The following SEPTIN9 variants were observed in gnomAD, a reference collection of about 807,000 sequenced individuals.
SEPTIN9 encodes the protein septin 9, also known as septin-9.
In SEPTIN9, 13 loss-of-function variants were observed where a neutral mutation model predicts 56.6. That is an observed-to-expected ratio of 0.23 (90% CI 0.15 to 0.37). SEPTIN9 has a LOEUF of 0.37. Among genes scored for constraint, SEPTIN9 ranks in the 10% least tolerant of loss-of-function variants. SEPTIN9 has a pLI of 1.00. For synonymous variants in SEPTIN9, 332 were observed against 334.1 expected (o/e 0.99, Z 0.07); for missense variants, 650 against 823.1 (o/e 0.79, Z 2.57).
intron 3 of SEPTIN9, among the ~76,000 whole-genome samples, chr17:77,477,504 G>A (rs1201797716): frequency 2.0e-5 from 3 of 152,240 alleles, no homozygotes; most frequent in African/African-American, 7.2e-5. Flanking sequence ...CCGCTGTGTT[G>A]ACTCAGCACG....
intron 4 of SEPTIN9, among the ~76,000 whole-genome samples, chr17:77,485,835 G>T (rs1568113547): frequency 6.6e-6 from 1 of 151,938 alleles, no homozygotes; most frequent in Non-Finnish European, 1.5e-5. Flanking sequence ...GTAATTTAGG[G>T]TGTTTTTTGT....
chr17:77,454,379 C>T (rs531975995), intron 3 of SEPTIN9: 10 of 985,516 alleles, frequency 1.0e-5, no homozygotes, highest in African/African-American at 7.0e-5. Context: ...GACCTGTTCC[C>T]GGAGCTCAGC....
chr17:77,285,618 C>T (rs906058340), intron 1 of SEPTIN9, among the ~76,000 whole-genome samples: 5 of 151,998 alleles, frequency 3.3e-5, no homozygotes, highest in African/African-American at 4.8e-5. Context: ...AGGCTGGTCT[C>T]GAACTCCGGA....
At chr17:77,284,434 C>T (rs923351197) in intron 1 of SEPTIN9, among the ~76,000 whole-genome samples, 9 of 152,210 alleles carry the variant, frequency 5.9e-5, no homozygotes, top group African/African-American at 9.6e-5. Context: ...TTGCCTCACC[C>T]GGCCTTCCAA....
chr17:77,284,915 A>G (rs2031208431), intron 1 of SEPTIN9, among the ~76,000 whole-genome samples: 1 of 152,186 alleles, frequency 6.6e-6, no homozygotes, highest in Non-Finnish European at 1.5e-5. Flanking sequence ...GGCATGAGCC[A>G]CCACGCCCAG....
At chr17:77,466,294 C>G (rs2038722507) in intron 3 of SEPTIN9, 1 of 665,116 alleles carries the variant, frequency 1.5e-6, no homozygotes, top group Non-Finnish European at 1.9e-6. Flanking sequence ...CTTGGAGGGC[C>G]CAGTGGGCGC....
In SEPTIN9 at chr17:77,350,962, G is replaced by A. The variant is rs563813075; in HGVS notation, c.76+43765G>A. Among the ~76,000 whole-genome samples, 4 of 151,618 alleles carry A rather than the reference G, an allele frequency of 2.6e-5. No homozygotes were observed. The East Asian group carries it at 7.7e-4, about 29-fold the overall frequency. ...GGGGTGTGTGTGCCTGTGTGTGCCT[G>A]TGTGCTGTGTGCCCCCATGTGTGTG... On this transcript the variant is annotated intron_variant, in intron 2 of 11. Transcript: ENST00000427177.
At chr17:77,288,216 T>G in intron 1 of SEPTIN9, 5 of 1,048,614 alleles carry the variant, frequency 4.8e-6, no homozygotes, top group Non-Finnish European at 5.8e-6. Flanking sequence ...TCCAGGTGGG[T>G]GCATTGCTCT....
intron 10 of SEPTIN9, among the ~76,000 whole-genome samples, chr17:77,496,004 A>ATTTTC (rs552277120): frequency 9.4e-5 from 14 of 148,166 alleles, no homozygotes; most frequent in Admixed American, 1.3e-4. Context: ...TCTATGCCTC[A>ATTTTC]TTTTCTTTTC....
chr17:77,290,204 T>C (rs8074309), intron 1 of SEPTIN9, among the ~76,000 whole-genome samples: 141,454 of 151,866 alleles, frequency 0.93, 66,105 homozygotes, highest in Admixed American at 0.96. Flanking sequence ...GCTTTGGGCC[T>C]GGGGCTAGGT....
intron 2 of SEPTIN9, among the ~76,000 whole-genome samples, chr17:77,383,939 A>G (rs1161054651): frequency 1.3e-5 from 2 of 152,212 alleles, no homozygotes; most frequent in African/African-American, 4.8e-5. Context: ...TATGGTAAGC[A>G]CTCATACACA....
chr17:77,427,665 G>C (rs879297667), intron 3 of SEPTIN9, among the ~76,000 whole-genome samples: 1 of 152,150 alleles, frequency 6.6e-6, no homozygotes, highest in Non-Finnish European at 1.5e-5. Flanking sequence ...ACGGCAGGGG[G>C]CCTGGAGCAT....
rs2033267669 is a variant in SEPTIN9, at chr17:77,329,517, T to TG, written c.76+22323dup. Among the ~76,000 whole-genome samples the TG allele has an allele frequency of 6.6e-6, 1 of 152,122 alleles. No individual in the cohort carries two copies. On this transcript the variant is annotated intron_variant, in intron 2 of 11. Coordinates refer to ENST00000427177, the MANE Select transcript of SEPTIN9 (RefSeq NM_001113491.2). This position sits in a 1 kb window ranked among gnomAD's most constrained non-coding sequence, Gnocchi z 4.3. ...GGTGAGGCCAAGGTGGTTTGGATCC[T>TG]GGGAAGGTTGGGTACCTGGCAGCCT...
At chr17:77,420,447 G>A (rs752620377) in intron 3 of SEPTIN9, among the ~76,000 whole-genome samples, 1 of 152,204 alleles carries the variant, frequency 6.6e-6, no homozygotes, top group Non-Finnish European at 1.5e-5. Flanking sequence ...GTGAAACAGA[G>A]ATACCTGGGC....
At position 77,406,920 on chromosome 17, in the gene SEPTIN9, C is replaced by T. The variant is rs1179358586; in HGVS notation, c.721+4217C>T. Among the ~76,000 whole-genome samples the T allele has an allele frequency of 2.0e-5, 3 of 152,248 alleles. No homozygotes were observed. In the East Asian group the frequency reaches 5.8e-4, roughly 29 times the overall value. ...TCCTGACCTCGTGACCCACCCACCT[C>T]AGCTTCCCTGACCTCCCAAAGTGCT... On this transcript the variant is annotated intron_variant, in intron 3 of 11. Transcript: ENST00000427177.
chr17:77,476,653 G>A lies in SEPTIN9; in HGVS notation c.722-5491G>A, dbSNP rs925793109. 6.6e-6 allele frequency among the ~76,000 whole-genome samples: 1 copy of A among 152,234 alleles called. No homozygotes were observed. The highest frequency in any genetic ancestry group is 1.5e-5 in the Non-Finnish European group (1 of 68,034). Reference sequence around the variant, plus strand: ...GGACCGGTGACCTACTGCCACCAGCGCCAGTGAATGGCAGAGGGGCCCTGG... The same window carrying A: ...GGACCGGTGACCTACTGCCACCAGCACCAGTGAATGGCAGAGGGGCCCTGG... On this transcript the variant is annotated intron_variant, in intron 3 of 11. Coordinates refer to ENST00000427177, the MANE Select transcript of SEPTIN9 (RefSeq NM_001113491.2). The surrounding 1 kb of genome is among the most constrained non-coding windows in gnomAD (Gnocchi z 6.0).
chr17:77,465,459 G>A (rs907745793), intron 3 of SEPTIN9, among the ~76,000 whole-genome samples: 12 of 152,220 alleles, frequency 7.9e-5, no homozygotes, highest in Admixed American at 2.6e-4. Context: ...CAGGTGCTGC[G>A]AGTCCGTGTC....
Position 77,324,339 on chromosome 17 carries a change from C to T in SEPTIN9, c.76+17142C>T, listed in dbSNP as rs563148175. Among the ~76,000 whole-genome samples the T allele has an allele frequency of 6.4e-4, 97 of 152,334 alleles. 1 individual carries two copies. Among genetic ancestry groups the T allele is most frequent in the African/African-American group, 2.2e-3 (90 of 41,580 alleles). On this transcript the variant is annotated intron_variant, in intron 2 of 11. Coordinates refer to ENST00000427177, the MANE Select transcript of SEPTIN9 (RefSeq NM_001113491.2). ...CCACCTTTCATCCCCCTGTTGTCCC[C>T]GTGTGTCTGGATGCACAGCATGGTT...
chr17:77,428,995 C>T (rs571545792), intron 3 of SEPTIN9: 11 of 471,164 alleles, frequency 2.3e-5, no homozygotes, highest in East Asian at 6.9e-5. Flanking sequence ...AGTGGTAAGC[C>T]GTCAGAGGAG....
Sources: allele counts gnomAD v4.1 joint callset (sites outside exome capture counted in the v4.1 genomes callset), GRCh38; gene constraint gnomAD v4.1.1; non-coding constraint Gnocchi (gnomAD v3.1); transcripts MANE v1.5; gene names NCBI Gene and HGNC (gene_info 2026-07-23, HGNC 2026-07-21).